The following SPAG17 variants were observed in gnomAD, a reference collection of about 807,000 sequenced individuals.
The protein encoded by SPAG17 is sperm associated antigen 17, also known as sperm-associated antigen 17.
A neutral mutation model predicts 273.6 loss-of-function variants in SPAG17; 169 were observed. The ratio of observed to expected loss-of-function variants is 0.62; its 90% CI spans 0.55 to 0.70. The LOEUF (loss-of-function observed/expected upper bound fraction) is 0.70, where lower values mean the gene tolerates loss of function less well. Ranked by LOEUF, SPAG17 falls within the 30% of genes least tolerant of loss-of-function variation. SPAG17 has a pLI of 0.00. For synonymous variants in SPAG17, 825 were observed against 873.2 expected (o/e 0.94, Z 0.97); for missense variants, 2,557 against 2,627.8 (o/e 0.97, Z 0.59).
intron 42 of SPAG17, 90 bp from the exon 43 acceptor site, chr1:117,981,491 G>T (rs1214807046): frequency 2.2e-6 from 3 of 1,380,088 alleles, no homozygotes; most frequent in Non-Finnish European, 1.9e-6. Context: ...ATTGAAGAAG[G>T]TGTTTTACAA....
chr1:118,005,771 G>A (rs370235572), intron 31 of SPAG17, among the ~76,000 whole-genome samples, 169 bp from the exon 32 acceptor site: 4 of 152,146 alleles, frequency 2.6e-5, no homozygotes, highest in Non-Finnish European at 4.4e-5. Context: ...AGGGCTACTC[G>A]ATAAAGAGGC....
At chr1:118,035,038 AG>A (rs1435726775) in intron 24 of SPAG17, among the ~76,000 whole-genome samples, 1 of 152,192 alleles carries the variant, frequency 6.6e-6, no homozygotes, top group Non-Finnish European at 1.5e-5. Context: ...ACCCAATTAA[AG>A]GGGGAGAACT....
intron 1 of SPAG17, among the ~76,000 whole-genome samples, chr1:118,158,270 T>C (rs923751609): frequency 2.6e-5 from 4 of 152,174 alleles, no homozygotes; most frequent in Non-Finnish European, 5.9e-5. Context: ...CATTAACCTA[T>C]CACCAACCAT....
At chr1:118,021,991 C>G (rs1660543678) in intron 28 of SPAG17, among the ~76,000 whole-genome samples, 1 of 152,060 alleles carries the variant, frequency 6.6e-6, no homozygotes, top group Admixed American at 6.6e-5. Context: ...AATCTAGTTG[C>G]TTCCACACAA....
intron 32 of SPAG17, among the ~76,000 whole-genome samples, chr1:117,998,503 G>A (rs945103955): frequency 6.6e-6 from 1 of 151,998 alleles, no homozygotes; most frequent in South Asian, 2.1e-4. Context: ...CTCAACCTTT[G>A]TTCTTTTTGC....
Position 117,970,108 on chromosome 1 carries a change from AC to A in SPAG17, c.6334del (p.Val2112Ter). ...NVGVDFCRFKVKQPPPSTGLK... is the reference protein window; with the variant it reads ...NVGVDFCRFKXKQPPPSTGLK... ...TCCTGTGCTGGGTGGGGGCTGCTTTACTTTAAACCTACAAGGCAGAAAGATA... is the reference window on the plus strand; with the variant it reads ...TCCTGTGCTGGGTGGGGGCTGCTTTATTTAAACCTACAAGGCAGAAAGATA... On this transcript the variant is annotated frameshift_variant, in exon 46 of 49. Coordinates refer to ENST00000336338, the MANE Select transcript of SPAG17 (RefSeq NM_206996.4). LOFTEE classifies it high-confidence loss of function. 1 of 1,612,274 alleles carries A rather than the reference AC, an allele frequency of 6.2e-7. No homozygotes were observed. Among genetic ancestry groups the A allele is most frequent in the Non-Finnish European group, 8.5e-7 (1 of 1,179,446 alleles).
intron 3 of SPAG17, among the ~76,000 whole-genome samples, chr1:118,120,763 G>T (rs1570729308): frequency 6.6e-6 from 1 of 152,080 alleles, no homozygotes; most frequent in East Asian, 1.9e-4. Context: ...AAATCCCTCT[G>T]TTACACCCCT....
intron 20 of SPAG17, among the ~76,000 whole-genome samples, chr1:118,048,803 C>A (rs1309683038): frequency 3.3e-5 from 5 of 151,802 alleles, no homozygotes. Flanking sequence ...GGCTGAGGCA[C>A]AAGAATTGCT....
intron 17 of SPAG17, among the ~76,000 whole-genome samples, chr1:118,068,700 T>C (rs950794446): frequency 2.0e-5 from 3 of 152,182 alleles, no homozygotes; most frequent in Non-Finnish European, 4.4e-5. Flanking sequence ...TGAGTACCTA[T>C]TGTGTGGCAG....
chr1:118,121,144 G>C (rs377277058), intron 3 of SPAG17, among the ~76,000 whole-genome samples: 1 of 152,052 alleles, frequency 6.6e-6, no homozygotes, highest in Non-Finnish European at 1.5e-5. Context: ...CTTATTCAGG[G>C]GAAAGGCTCT....
At chr1:118,024,753 G>A (rs1485665077) in intron 27 of SPAG17, among the ~76,000 whole-genome samples, 1 of 151,996 alleles carries the variant, frequency 6.6e-6, no homozygotes, top group Non-Finnish European at 1.5e-5. Flanking sequence ...AGATCCATGT[G>A]CAAAATGTTT....
rs1557989693 is a variant in SPAG17, at chr1:118,074,558, T to C, written c.2252A>G (p.Lys751Arg). ...NNEIKDDAVTKADSHEKKPKK... is the reference protein window; with the variant it reads ...NNEIKDDAVTRADSHEKKPKK... ...CCTTACCTTTTCATGAGAATCAGCC[T>C]TTGTGACTGCATCATCTTTGATCTC... Residue 751 changes from lysine to arginine, a missense_variant, in exon 16 of 49, where the codon AAG (lysine) becomes AGG (arginine). Lys to Arg is a conservative substitution (Grantham distance 26, BLOSUM62 2). Coordinates refer to ENST00000336338, the MANE Select transcript of SPAG17 (RefSeq NM_206996.4). 1.9e-6 allele frequency: 3 copies of C among 1,613,738 alleles called. No individual in the cohort carries two copies. The highest frequency in any genetic ancestry group is 2.5e-6 in the Non-Finnish European group (3 of 1,179,786).
intron 28 of SPAG17, among the ~76,000 whole-genome samples, chr1:118,019,601 AAC>A (rs1467730234): frequency 7.2e-5 from 11 of 152,212 alleles, no homozygotes; most frequent in Non-Finnish European, 1.5e-4. Context: ...ATCAATGAAA[AAC>A]ACAAATTTAC....
intron 17 of SPAG17, among the ~76,000 whole-genome samples, chr1:118,070,185 T>C (rs1653442035): frequency 6.6e-6 from 1 of 152,246 alleles, no homozygotes; most frequent in Middle Eastern, 3.4e-3. Context: ...ACCGGAATTT[T>C]AGAAGCTGGA....
chr1:118,049,081 A>G (rs980559273), intron 20 of SPAG17, among the ~76,000 whole-genome samples: 12 of 152,214 alleles, frequency 7.9e-5, no homozygotes, highest in African/African-American at 2.7e-4. Flanking sequence ...TGAATCAGTT[A>G]TAAAATGTCT....
intron 48 of SPAG17, chr1:117,960,258 C>T (rs1008794062): frequency 6.6e-6 from 1 of 152,114 alleles, no homozygotes; most frequent in Non-Finnish European, 1.5e-5. Context: ...CTGCATATAA[C>T]TTTTGATTCC....
chr1:117,993,944 C>T (rs1178863755), intron 35 of SPAG17, among the ~76,000 whole-genome samples: 5 of 151,874 alleles, frequency 3.3e-5, no homozygotes, highest in Non-Finnish European at 5.9e-5. Context: ...TGCAAATGTG[C>T]GTAAAATCCT....
chr1:117,954,073 G>T, intron 48 of SPAG17, 24 bp from the exon 49 acceptor site: 2 of 1,612,354 alleles, frequency 1.2e-6, no homozygotes, highest in African/African-American at 1.3e-5. Context: ...GGAACACAAA[G>T]CCATTTGTAA....
intron 37 of SPAG17, 131 bp downstream of exon 37, chr1:117,991,284 T>C (rs1194442796): frequency 3.8e-6 from 2 of 528,482 alleles, no homozygotes; most frequent in Non-Finnish European, 6.4e-6. Context: ...TCCACAAAAA[T>C]TGAAAATTAT....
Sources: gnomAD v4.1 joint callset for allele counts (sites outside exome capture counted in the v4.1 genomes callset) on GRCh38, gnomAD v4.1.1 for gene constraint, MANE v1.5 for transcripts, NCBI Gene and HGNC (gene_info 2026-07-23, HGNC 2026-07-21) for gene names.